The following EPB41 variants were observed in gnomAD, a reference collection of about 807,000 sequenced individuals.
EPB41 encodes the protein protein 4.1.
Under a neutral mutation model 108.0 loss-of-function variants are expected in EPB41, and 65 were observed. The observed-to-expected ratio is 0.60, with a 90% CI of 0.49 to 0.74. EPB41 has a LOEUF of 0.74. EPB41 is among the 30% of genes least tolerant of loss of function. EPB41 has a pLI of 0.00. For synonymous variants in EPB41, 336 were observed against 358.9 expected (o/e 0.94, Z 0.72); for missense variants, 875 against 1,037.0 (o/e 0.84, Z 2.15).
chr1:28,921,961 T>TATATATATATATATATATATATAC lies in EPB41; in HGVS notation c.-8+7194_-8+7195insTATATATATATATATATATATACA, dbSNP rs770764638. 4.6e-3 allele frequency among the ~76,000 whole-genome samples: 501 copies of TATATATATATATATATATATATAC among 109,236 alleles called. 3 individuals are homozygous for TATATATATATATATATATATATAC. The highest frequency in any genetic ancestry group is 0.024 in the East Asian group (30 of 1,264). 71.7% of individuals were successfully genotyped at this position (109,236 alleles called of 152,430 possible). A position where few individuals can be genotyped will look rare whatever the true frequency, so the allele number is the denominator to read the frequency against. ...TTTTATATATATATATATATATATA[T>TATATATATATATATATATATATAC]ACACTTTTTTTTTGTTTTTTTTTTT... On this transcript the variant is annotated intron_variant, in intron 1 of 20. Transcript: ENST00000343067.
At chr1:29,043,761 C>T (rs368231073) in intron 11 of EPB41, among the ~76,000 whole-genome samples, 11 of 152,118 alleles carry the variant, frequency 7.2e-5, no homozygotes, top group Admixed American at 2.0e-4. Context: ...TTTAAAAGAT[C>T]GCTGACAGCT....
intron 1 of EPB41, among the ~76,000 whole-genome samples, chr1:28,937,416 C>T (rs2094081363): frequency 6.6e-6 from 1 of 151,868 alleles, no homozygotes; most frequent in East Asian, 1.9e-4. Flanking sequence ...TTTTTTGAGG[C>T]AGAGTCTCGC....
intron 1 of EPB41, among the ~76,000 whole-genome samples, chr1:28,943,827 G>A (rs1260476336): frequency 6.6e-6 from 1 of 152,076 alleles, no homozygotes; most frequent in East Asian, 1.9e-4. Context: ...ACTAAATATT[G>A]AGCTGCCATA....
chr1:29,063,358 ATAGGATTGCCCTTTTGGAGTTAGCTTTC>A (rs2150983101), intron 15 of EPB41, among the ~76,000 whole-genome samples: 1 of 152,302 alleles, frequency 6.6e-6, no homozygotes, highest in African/African-American at 2.4e-5. Flanking sequence ...TGGGATAGCT[ATAGGATTGCCCTTTTGGAGTTAGCTTTC>A]TGTTTGATCT....
chr1:29,024,452 T>C (rs1374891920), intron 7 of EPB41, among the ~76,000 whole-genome samples: 7 of 151,346 alleles, frequency 4.6e-5, no homozygotes, highest in African/African-American at 1.5e-4. Context: ...GTCAAGATGG[T>C]GAAACCCTGT....
In EPB41 at chr1:28,887,189, G is replaced by C. The variant is rs999814235; in HGVS notation, c.-29G>C. ...GCGGAGCCAGAACGCGGTCGGCCCG[G>C]TCCCCGCCGCACCCAGCCCAGGTGA... is the stretch of plus-strand genomic sequence containing the variant. On this transcript the variant is annotated 5_prime_UTR_variant, in exon 1 of 17. Transcript: ENST00000347529. This position sits in a 1 kb window ranked among gnomAD's most constrained non-coding sequence, Gnocchi z 4.9. 9 of 1,258,340 alleles carry C rather than the reference G, an allele frequency of 7.2e-6. No homozygotes were observed. The highest frequency in any genetic ancestry group is 9.4e-6 in the Non-Finnish European group (9 of 961,948). The allele number at this position is 1,258,340 out of a possible 1,614,324, so 77.9% of individuals were successfully genotyped here.
At chr1:29,030,163 CT>C (rs1247527743) in intron 7 of EPB41, among the ~76,000 whole-genome samples, 1 of 152,012 alleles carries the variant, frequency 6.6e-6, no homozygotes, top group African/African-American at 2.4e-5. Context: ...TTTTTTGCAG[CT>C]TTTTGGTGAC....
At chr1:29,058,920 A>G in intron 14 of EPB41, 68 bp downstream of exon 14, 1 of 1,280,338 alleles carries the variant, frequency 7.8e-7, no homozygotes, top group South Asian at 1.3e-5. Context: ...AGTGCATTAA[A>G]AAGACAGTGA....
chr1:29,080,739 C>T (rs1343385834), intron 16 of EPB41, among the ~76,000 whole-genome samples: 2 of 152,126 alleles, frequency 1.3e-5, no homozygotes, highest in Non-Finnish European at 2.9e-5. Flanking sequence ...CTTTCATTTC[C>T]CTTGGCCAGG....
chr1:28,934,878 T>C (rs914389763), intron 1 of EPB41, among the ~76,000 whole-genome samples: 4 of 151,828 alleles, frequency 2.6e-5, no homozygotes, highest in Non-Finnish European at 5.9e-5. Flanking sequence ...ACGCCTGTAC[T>C]CCCAGCACTT....
intron 4 of EPB41, among the ~76,000 whole-genome samples, chr1:29,005,346 C>A (rs540188873): frequency 6.6e-6 from 1 of 152,138 alleles, no homozygotes; most frequent in Admixed American, 6.5e-5. Context: ...CAGTCATCTC[C>A]CACCAAGCCC....
intron 10 of EPB41, among the ~76,000 whole-genome samples, chr1:29,036,602 A>T (rs183657772): frequency 1.3e-5 from 2 of 149,306 alleles, no homozygotes; most frequent in East Asian, 4.0e-4. Flanking sequence ...TTTTTTCCAC[A>T]TGGAATTTCT....
At chr1:29,070,545 C>A (rs2151095446) in intron 16 of EPB41, 1 of 1,232,130 alleles carries the variant, frequency 8.1e-7, no homozygotes, top group East Asian at 3.2e-5. Flanking sequence ...TTTCCATCTC[C>A]TCGTATTCCT....
intron 7 of EPB41, among the ~76,000 whole-genome samples, chr1:29,029,573 G>A (rs1045717603): frequency 1.3e-5 from 2 of 152,114 alleles, no homozygotes; most frequent in Non-Finnish European, 2.9e-5. Flanking sequence ...ATACTTGATT[G>A]GTCTGAATTG....
intron 2 of EPB41, among the ~76,000 whole-genome samples, chr1:28,990,312 C>CTTCT (rs1366410256): frequency 7.0e-5 from 9 of 128,662 alleles, no homozygotes; most frequent in African/African-American, 1.2e-4. Flanking sequence ...TCCTTCCTTC[C>CTTCT]TTCCTTCCTT....
At chr1:28,890,877 A>C (rs1263658832) in intron 1 of EPB41, 5 of 971,506 alleles carry the variant, frequency 5.1e-6, no homozygotes, top group Non-Finnish European at 6.1e-6. Context: ...ACGGGTACTG[A>C]GGTGCCCACA....
chr1:28,978,778 T>C (rs2149402334), intron 1 of EPB41, among the ~76,000 whole-genome samples: 1 of 151,592 alleles, frequency 6.6e-6, no homozygotes, highest in South Asian at 2.1e-4. Flanking sequence ...TCTGCTGTGT[T>C]GGGCATCAGA....
intron 1 of EPB41, among the ~76,000 whole-genome samples, chr1:28,899,017 C>A (rs557683643): frequency 2.0e-5 from 3 of 152,240 alleles, no homozygotes; most frequent in African/African-American, 7.2e-5. Context: ...GATCATGCAA[C>A]AGACGCTAGC....
At chr1:29,104,765 T>C (rs1666580544) in intron 17 of EPB41, among the ~76,000 whole-genome samples, 1 of 151,874 alleles carries the variant, frequency 6.6e-6, no homozygotes, top group Non-Finnish European at 1.5e-5. Flanking sequence ...TGTATTTCTT[T>C]TTTCAGTAGA....
Sources: allele counts gnomAD v4.1 joint callset (sites outside exome capture counted in the v4.1 genomes callset), GRCh38; gene constraint gnomAD v4.1.1; non-coding constraint Gnocchi (gnomAD v3.1); transcripts MANE v1.5; gene names NCBI Gene and HGNC (gene_info 2026-07-23, HGNC 2026-07-21).